DOCK2: variants seen among roughly 807,000 people sequenced by gnomAD.
DOCK2 encodes dedicator of cytokinesis protein 2.
A neutral mutation model predicts 248.9 loss-of-function variants in DOCK2; 87 were observed. That is an observed-to-expected ratio of 0.35 (90% CI 0.29 to 0.42). The LOEUF (loss-of-function observed/expected upper bound fraction) is 0.42, where lower values mean the gene tolerates loss of function less well. DOCK2 is among the 10% of genes least tolerant of loss of function. The pLI, the probability that DOCK2 is intolerant of heterozygous loss-of-function variation, is 1.00. For synonymous variants in DOCK2, 805 were observed against 821.6 expected, an observed-to-expected ratio of 0.98 and a Z score of 0.35; for missense variants, 1,747 against 2,300.2, an observed-to-expected ratio of 0.76 and a Z score of 4.92.
At chr5:169,996,977 A>C (rs2113798869) in intron 30 of DOCK2, among the ~76,000 whole-genome samples, 1 of 152,288 alleles carries the variant, frequency 6.6e-6, no homozygotes, top group Admixed American at 6.5e-5. Context: ...AGAGAAAGAA[A>C]TAAGGGGACC....
At chr5:169,916,189 CTT>C (rs1774866683) in intron 27 of DOCK2, among the ~76,000 whole-genome samples, 1 of 152,168 alleles carries the variant, frequency 6.6e-6, no homozygotes, top group South Asian at 2.1e-4. Flanking sequence ...AAAATAGAGT[CTT>C]TTAAGAGTGT....
At position 170,040,056 on chromosome 5, in the gene DOCK2, G is replaced by A. The variant is rs375567430; in HGVS notation, c.3666-999G>A. On this transcript the variant is annotated intron_variant, in intron 36 of 51. Transcript: ENST00000520908. ...GTAATAACTGTCACTGCTCAGTGCC[G>A]GCTACAGGCTAATCACTTTCAGTGC... Among the ~76,000 whole-genome samples, 21 of 152,304 alleles carry A rather than the reference G, an allele frequency of 1.4e-4. No individual in the cohort carries two copies. The East Asian group carries it at 2.9e-3, about 21-fold the overall frequency.
chr5:169,985,991 T>G, intron 29 of DOCK2, 69 bp downstream of exon 29: 1 of 1,383,214 alleles, frequency 7.2e-7, no homozygotes, highest in Non-Finnish European at 9.9e-7. Context: ...TTATTTTGGG[T>G]TAAATTAGGG....
At chr5:169,814,540 T>C (rs368582125) in intron 26 of DOCK2, among the ~76,000 whole-genome samples, 5 of 152,200 alleles carry the variant, frequency 3.3e-5, no homozygotes, top group African/African-American at 1.2e-4. Context: ...GTTAATAGCA[T>C]TGGACCAATG....
intron 27 of DOCK2, among the ~76,000 whole-genome samples, chr5:169,925,511 T>C (rs1216630728): frequency 7.6e-6 from 1 of 131,182 alleles, no homozygotes. Flanking sequence ...ACCCAGGAGG[T>C]GGAGATTGCA....
At chr5:169,872,922 C>T (rs1277212293) in intron 27 of DOCK2, among the ~76,000 whole-genome samples, 1 of 152,164 alleles carries the variant, frequency 6.6e-6, no homozygotes, top group Non-Finnish European at 1.5e-5. Flanking sequence ...AAACGATAGA[C>T]ATATAGTGTT....
intron 10 of DOCK2, among the ~76,000 whole-genome samples, chr5:169,696,679 C>G (rs539080706): frequency 6.6e-6 from 1 of 152,260 alleles, no homozygotes; most frequent in East Asian, 1.9e-4. Flanking sequence ...TGCATAACCC[C>G]TATGTACCAT....
chr5:169,777,724 C>T (rs1309693996), intron 25 of DOCK2, among the ~76,000 whole-genome samples: 4 of 152,180 alleles, frequency 2.6e-5, no homozygotes, highest in African/African-American at 7.2e-5. Flanking sequence ...ACTGGTTTCC[C>T]GTGAGCATTG....
intron 2 of DOCK2, among the ~76,000 whole-genome samples, chr5:169,667,384 T>G (rs1282125009): frequency 6.6e-6 from 1 of 152,224 alleles, no homozygotes; most frequent in African/African-American, 2.4e-5. Context: ...AATATCAGTT[T>G]CCTCATCTAT....
intron 27 of DOCK2, among the ~76,000 whole-genome samples, chr5:169,901,852 G>T (rs1035059956): frequency 2.0e-5 from 3 of 152,206 alleles, no homozygotes; most frequent in African/African-American, 7.2e-5. Context: ...ATGTTTGCTT[G>T]CATCTGTTGG....
rs866136463 is a variant in DOCK2 at position 169,693,481 on chromosome 5, G to A, written c.844-2322G>A. On this transcript the variant is annotated intron_variant, in intron 9 of 51. Coordinates refer to ENST00000520908, the MANE Select transcript of DOCK2 (RefSeq NM_004946.3). Reference sequence around the variant, plus strand: ...AGGGAGCTATTAATGTTGTTGGGGGGAAATAAATGAAATAATAGATGCGAT... The same window carrying A: ...AGGGAGCTATTAATGTTGTTGGGGGAAAATAAATGAAATAATAGATGCGAT... Among the ~76,000 whole-genome samples the A allele has an allele frequency of 5.4e-4, 82 of 152,224 alleles. No individual in the cohort carries two copies. In the Middle Eastern group the frequency reaches 0.02, roughly 38 times the overall value.
At chr5:170,060,385 A>G (rs1757288116) in intron 44 of DOCK2, among the ~76,000 whole-genome samples, 1 of 152,226 alleles carries the variant, frequency 6.6e-6, no homozygotes, top group Admixed American at 6.5e-5. Flanking sequence ...ATAAACTGGA[A>G]TACCTTCATA....
At chr5:169,883,903 C>A in intron 27 of DOCK2, 1 of 1,495,342 alleles carries the variant, frequency 6.7e-7, no homozygotes, top group Admixed American at 2.2e-5. Flanking sequence ...GGCCATTGAG[C>A]CTCAGTGGGA....
At chr5:169,851,683 A>G (rs966074017) in intron 27 of DOCK2, among the ~76,000 whole-genome samples, 4 of 152,216 alleles carry the variant, frequency 2.6e-5, no homozygotes, top group Non-Finnish European at 5.9e-5. Flanking sequence ...TAATTGACTC[A>G]CAGTTTCTCA....
intron 33 of DOCK2, among the ~76,000 whole-genome samples, chr5:170,025,696 A>G (rs1755877491): frequency 6.6e-6 from 1 of 152,126 alleles, no homozygotes; most frequent in Admixed American, 6.5e-5. Context: ...CATAGAAGGG[A>G]CGTGATTCAT....
chr5:169,926,343 A>G (rs553276837), intron 27 of DOCK2, among the ~76,000 whole-genome samples: 2 of 152,314 alleles, frequency 1.3e-5, no homozygotes, highest in African/African-American at 4.8e-5. Context: ...CTTTTGATGA[A>G]TGTCTGAAAA....
At chr5:169,738,134 G>C (rs1012779211) in intron 22 of DOCK2, among the ~76,000 whole-genome samples, 3 of 152,144 alleles carry the variant, frequency 2.0e-5, no homozygotes, top group Non-Finnish European at 4.4e-5. Flanking sequence ...ATAGACTCTC[G>C]CACATTTGTT....
chr5:169,692,508 G>A (rs1037664717), intron 9 of DOCK2, among the ~76,000 whole-genome samples: 4 of 151,730 alleles, frequency 2.6e-5, no homozygotes, highest in African/African-American at 9.7e-5. Context: ...ATTCTTTAGT[G>A]TGGAGGTGTG....
rs541834027 is a variant in DOCK2 at position 169,702,375 on chromosome 5, G to A, written c.1331G>A (p.Arg444Lys). The A allele has an allele frequency of 6.2e-7, 1 of 1,613,994 alleles. No homozygotes were observed. The highest frequency in any genetic ancestry group is 8.5e-7 in the Non-Finnish European group (1 of 1,179,922). ...DFDKYNKTTQ[R>K]NVEVIMCVCA... Reference sequence around the variant, plus strand: ...GACAAGTACAACAAGACCACACAGAGGAATGTGGAAGTCATCATGTGTGTG... The same window carrying A: ...GACAAGTACAACAAGACCACACAGAAGAATGTGGAAGTCATCATGTGTGTG... Residue 444 changes from arginine (R) to lysine (K), a missense_variant, in exon 14 of 52, where the codon AGG becomes AAG. By Grantham distance (26) the Arg-to-Lys change is conservative. Transcript: ENST00000520908.
Sources: allele counts gnomAD v4.1 joint callset (sites outside exome capture counted in the v4.1 genomes callset), GRCh38; gene constraint gnomAD v4.1.1; transcripts MANE v1.5; gene names NCBI Gene and HGNC (gene_info 2026-07-23, HGNC 2026-07-21).